The following AMPH variants were observed in gnomAD, a reference collection of about 807,000 sequenced individuals.
AMPH encodes amphiphysin, also known as amphiphysin (Stiff-Mann syndrome with breast cancer 128kD autoantigen).
Under a neutral mutation model 99.1 loss-of-function variants are expected in AMPH, and 49 were observed. The ratio of observed to expected loss-of-function variants is 0.49; its 90% confidence interval spans 0.39 to 0.63. The LOEUF (loss-of-function observed/expected upper bound fraction) is 0.63, where lower values mean the gene tolerates loss of function less well. AMPH is among the 20% of genes least tolerant of loss of function. The pLI, the probability that AMPH is intolerant of heterozygous loss-of-function variation, is 0.00. For synonymous variants in AMPH, 314 were observed against 317.3 expected (o/e 0.99, Z 0.11); for missense variants, 759 against 863.4 (o/e 0.88, Z 1.52).
At chr7:38,503,104 T>TA (rs1424761224) in intron 3 of AMPH, among the ~76,000 whole-genome samples, 2 of 152,246 alleles carry the variant, frequency 1.3e-5, no homozygotes. Flanking sequence ...TTCCTTGCCT[T>TA]ACATGGCTGA....
intron 11 of AMPH, among the ~76,000 whole-genome samples, chr7:38,437,861 T>C (rs1270780298): frequency 1.3e-5 from 2 of 151,988 alleles, no homozygotes; most frequent in African/African-American, 4.8e-5. Flanking sequence ...ACCTAAATAC[T>C]TTCCTTAGCA....
At chr7:38,568,477 A>G (rs12539651) in intron 1 of AMPH, among the ~76,000 whole-genome samples, 18,633 of 152,214 alleles carry the variant, frequency 0.12, 1,571 homozygotes, top group Admixed American at 0.24. Flanking sequence ...AAAAAAAAGA[A>G]TCCTTCCTTC....
intron 2 of AMPH, among the ~76,000 whole-genome samples, chr7:38,534,654 CA>C (rs1276537693): frequency 2.0e-5 from 3 of 152,122 alleles, no homozygotes; most frequent in Non-Finnish European, 4.4e-5. Flanking sequence ...CCAACCTGGG[CA>C]ATCTGAATGA....
intron 11 of AMPH, among the ~76,000 whole-genome samples, chr7:38,437,983 G>A (rs1786352648): frequency 6.6e-6 from 1 of 152,036 alleles, no homozygotes; most frequent in Non-Finnish European, 1.5e-5. Flanking sequence ...ATTTCACAAG[G>A]ATAATGCCCT....
chr7:38,417,395 C>T (rs909724657), intron 17 of AMPH, among the ~76,000 whole-genome samples: 2 of 152,178 alleles, frequency 1.3e-5, no homozygotes, highest in African/African-American at 4.8e-5. Flanking sequence ...TATGGGATTT[C>T]AACACCTCAT....
chr7:38,555,142 G>A (rs1036729379), intron 1 of AMPH, among the ~76,000 whole-genome samples: 1 of 151,940 alleles, frequency 6.6e-6, no homozygotes, highest in African/African-American at 2.4e-5. Context: ...CTCAAGTGGA[G>A]AATTTCATTT....
At chr7:38,558,324 A>G (rs1242294646) in intron 1 of AMPH, among the ~76,000 whole-genome samples, 1 of 152,192 alleles carries the variant, frequency 6.6e-6, no homozygotes, top group Non-Finnish European at 1.5e-5. Context: ...TGCACCACCC[A>G]CAGGCGACAG....
chr7:38,449,109 T>G (rs1190645347), intron 11 of AMPH, among the ~76,000 whole-genome samples: 1 of 152,150 alleles, frequency 6.6e-6, no homozygotes, highest in Non-Finnish European at 1.5e-5. Context: ...GTAAAGGCCC[T>G]CCTACCACTA....
intron 1 of AMPH, among the ~76,000 whole-genome samples, chr7:38,605,157 G>T (rs1793390141): frequency 6.6e-6 from 1 of 152,124 alleles, no homozygotes; most frequent in African/African-American, 2.4e-5. Flanking sequence ...AAACTGTTAT[G>T]CAGTAAGGAG....
intron 16 of AMPH, among the ~76,000 whole-genome samples, chr7:38,419,667 T>C (rs924500808): frequency 1.3e-5 from 2 of 152,176 alleles, no homozygotes; most frequent in Non-Finnish European, 2.9e-5. Flanking sequence ...TCAAGGTGAT[T>C]TGCTATGACA....
intron 20 of AMPH, among the ~76,000 whole-genome samples, chr7:38,386,134 A>G (rs1784341890): frequency 6.6e-6 from 1 of 152,206 alleles, no homozygotes; most frequent in African/African-American, 2.4e-5. Context: ...CAGGAAAAAA[A>G]CCGCTGAGGA....
chr7:38,568,452 G>A (rs775689159), intron 1 of AMPH, among the ~76,000 whole-genome samples: 13 of 152,088 alleles, frequency 8.5e-5, no homozygotes, highest in Admixed American at 2.0e-4. Flanking sequence ...GCGGCAAAGC[G>A]AGACTCCGTC....
intron 2 of AMPH, among the ~76,000 whole-genome samples, chr7:38,509,127 C>T (rs17171390): frequency 0.065 from 9,935 of 152,218 alleles, 530 homozygotes; most frequent in East Asian, 0.25. Context: ...AGCTGTCTGT[C>T]ATTAAGAACC....
intron 1 of AMPH, among the ~76,000 whole-genome samples, chr7:38,573,498 T>G (rs1792124323): frequency 6.6e-6 from 1 of 152,346 alleles, no homozygotes; most frequent in East Asian, 1.9e-4. Context: ...GCATATTGGG[T>G]TTAAAGCCTA....
At chr7:38,589,737 G>C (rs1445053332) in intron 1 of AMPH, among the ~76,000 whole-genome samples, 1 of 152,134 alleles carries the variant, frequency 6.6e-6, no homozygotes, top group Admixed American at 6.5e-5. Context: ...ATTATTAATT[G>C]AGTATGTGAA....
intron 1 of AMPH, among the ~76,000 whole-genome samples, chr7:38,623,671 C>T (rs1001346377): frequency 2.0e-5 from 3 of 152,210 alleles, no homozygotes; most frequent in Non-Finnish European, 4.4e-5. Flanking sequence ...TACTCTTCTA[C>T]AGATGGGCCC....
intron 1 of AMPH, among the ~76,000 whole-genome samples, chr7:38,621,333 A>G (rs1794052838): frequency 6.6e-6 from 1 of 152,192 alleles, no homozygotes; most frequent in Admixed American, 6.5e-5. Flanking sequence ...TTATCTCACT[A>G]TCAACTCCTG....
chr7:38,414,691 G>A (rs2014157), intron 17 of AMPH, among the ~76,000 whole-genome samples: 70,292 of 151,578 alleles, frequency 0.46, 16,510 homozygotes, highest in East Asian at 0.49. Flanking sequence ...TTGAGACAGA[G>A]TCTCACTCTG....
intron 1 of AMPH, among the ~76,000 whole-genome samples, chr7:38,619,580 T>C (rs1447920236): frequency 6.6e-6 from 1 of 152,208 alleles, no homozygotes; most frequent in African/African-American, 2.4e-5. Flanking sequence ...AAAACAGTTA[T>C]TCTCAAGCGT....
Sources: allele counts gnomAD v4.1 joint callset (sites outside exome capture counted in the v4.1 genomes callset), GRCh38; gene constraint gnomAD v4.1.1; transcripts MANE v1.5; gene names NCBI Gene and HGNC (gene_info 2026-07-23, HGNC 2026-07-21).